Variants in LRP1B observed in about 807,000 individuals in gnomAD.
LRP1B encodes low-density lipoprotein receptor-related protein 1B.
Under a neutral mutation model 556.6 loss-of-function variants are expected in LRP1B, and 217 were observed. The ratio of observed to expected loss-of-function variants is 0.39; its 90% CI spans 0.35 to 0.44. The LOEUF is 0.44. Ranked by LOEUF, LRP1B falls within the 20% of genes least tolerant of loss-of-function variation. The probability of loss-of-function intolerance (pLI) is 1.00; values close to 1 mark genes in which losing one functional copy is unlikely to be tolerated. For missense variants in LRP1B, 5,053 were observed against 5,620.8 expected, an observed-to-expected ratio of 0.90 and a Z score of 3.23; for synonymous variants, 2,047 against 1,865.8, an observed-to-expected ratio of 1.10 and a Z score of -2.50.
At chr2:140,823,623 A>G (rs1481751806) in intron 31 of LRP1B, among the ~76,000 whole-genome samples, 1 of 152,044 alleles carries the variant, frequency 6.6e-6, no homozygotes, top group African/African-American at 2.4e-5. Context: ...AATGACATGG[A>G]CTACTTAGAG....
chr2:141,589,584 A>AC (rs1160660952), intron 2 of LRP1B, among the ~76,000 whole-genome samples: 11 of 152,180 alleles, frequency 7.2e-5, no homozygotes, highest in Non-Finnish European at 1.5e-4. Context: ...CAAATAACAC[A>AC]CTTGTTAAAA....
intron 1 of LRP1B, among the ~76,000 whole-genome samples, chr2:142,025,898 GATGA>G (rs1206642258): frequency 6.6e-6 from 1 of 152,042 alleles, no homozygotes; most frequent in East Asian, 1.9e-4. Flanking sequence ...TGATAACAAG[GATGA>G]ATAGATTTGA....
At chr2:141,870,260 T>A (rs545445148) in intron 1 of LRP1B, among the ~76,000 whole-genome samples, 1 of 152,094 alleles carries the variant, frequency 6.6e-6, no homozygotes, top group East Asian at 1.9e-4. Flanking sequence ...TCCTCTCTAC[T>A]ATGAATGCCA....
chr2:140,327,514 A>G (rs969363096), intron 79 of LRP1B, among the ~76,000 whole-genome samples: 13 of 152,068 alleles, frequency 8.5e-5, no homozygotes, highest in African/African-American at 3.1e-4. Context: ...TATGAGTAAT[A>G]TGAACCACAA....
At chr2:140,828,335 C>T (rs1243847836) in intron 31 of LRP1B, among the ~76,000 whole-genome samples, 2 of 151,856 alleles carry the variant, frequency 1.3e-5, no homozygotes, top group African/African-American at 2.4e-5. Flanking sequence ...AAGGGCCGGG[C>T]GCGGTGGCTC....
At chr2:141,933,282 C>G (rs1250142771) in intron 1 of LRP1B, among the ~76,000 whole-genome samples, 1 of 151,808 alleles carries the variant, frequency 6.6e-6, no homozygotes, top group African/African-American at 2.4e-5. Context: ...AAAAATCACC[C>G]TACTGAAAAT....
intron 66 of LRP1B, among the ~76,000 whole-genome samples, chr2:140,394,921 G>C (rs913328896): frequency 6.6e-6 from 1 of 152,060 alleles, no homozygotes; most frequent in African/African-American, 2.4e-5. Context: ...GACACCAACA[G>C]AGTAAAGACA....
chr2:141,386,635 C>T (rs1007412175), intron 3 of LRP1B, among the ~76,000 whole-genome samples: 9 of 151,666 alleles, frequency 5.9e-5, no homozygotes, highest in South Asian at 2.1e-4. Context: ...AAGAAAAATA[C>T]GATATATTTA....
chr2:140,341,434 G>GA (rs1415115397), intron 77 of LRP1B, among the ~76,000 whole-genome samples: 1 of 151,392 alleles, frequency 6.6e-6, no homozygotes, highest in African/African-American at 2.4e-5. Context: ...AATGACAACA[G>GA]AGCCTTTGGA....
At chr2:140,992,468 G>T (rs1697121821) in intron 16 of LRP1B, 1 of 152,080 alleles carries the variant, frequency 6.6e-6, no homozygotes, top group South Asian at 2.1e-4. Flanking sequence ...TGCAGTATTT[G>T]CACTCTGCTC....
At chr2:141,286,066 CA>C (rs200182512) in intron 3 of LRP1B, among the ~76,000 whole-genome samples, 22,787 of 94,122 alleles carry the variant, frequency 0.24, 1,255 homozygotes, top group East Asian at 0.42. Flanking sequence ...GACTCCGTCT[CA>C]AAAAAAAAAA....
At chr2:140,733,658 G>A (rs1016468546) in intron 35 of LRP1B, among the ~76,000 whole-genome samples, 1 of 152,078 alleles carries the variant, frequency 6.6e-6, no homozygotes, top group Non-Finnish European at 1.5e-5. Context: ...TGTAGAATAG[G>A]TAAAACTAAT....
intron 66 of LRP1B, among the ~76,000 whole-genome samples, chr2:140,408,625 T>G (rs1684847260): frequency 6.6e-6 from 1 of 151,866 alleles, no homozygotes; most frequent in Non-Finnish European, 1.5e-5. Context: ...TTTAGAAGAG[T>G]GACCTCTTGA....
At chr2:140,249,692 C>T (rs920759575) in intron 86 of LRP1B, among the ~76,000 whole-genome samples, 2 of 151,756 alleles carry the variant, frequency 1.3e-5, no homozygotes, top group Non-Finnish European at 2.9e-5. Flanking sequence ...TTGTCTTGGT[C>T]TTAAAACATC....
At chr2:140,393,889 T>C (rs1190666213) in intron 66 of LRP1B, among the ~76,000 whole-genome samples, 1 of 152,198 alleles carries the variant, frequency 6.6e-6, no homozygotes, top group Non-Finnish European at 1.5e-5. Context: ...TGACCTTTTA[T>C]AGAGAAGTCA....
intron 41 of LRP1B, among the ~76,000 whole-genome samples, chr2:140,678,353 A>T (rs1457169844): frequency 2.6e-5 from 4 of 152,188 alleles, no homozygotes; most frequent in African/African-American, 9.7e-5. Context: ...AATAAAATGT[A>T]AGAGTAATTT....
At chr2:141,702,015 A>C (rs574659712) in intron 2 of LRP1B, among the ~76,000 whole-genome samples, 52 of 152,076 alleles carry the variant, frequency 3.4e-4, no homozygotes, top group African/African-American at 1.2e-3. Flanking sequence ...AATGCCAAAC[A>C]ACCACAGAGT....
intron 20 of LRP1B, among the ~76,000 whole-genome samples, chr2:140,933,663 G>T (rs1399236664): frequency 2.0e-5 from 3 of 152,124 alleles, no homozygotes; most frequent in Admixed American, 6.6e-5. Flanking sequence ...CATAATAATT[G>T]TCTTACTAAA....
chr2:140,805,278 T>C (rs528095620), intron 32 of LRP1B, among the ~76,000 whole-genome samples: 276 of 152,330 alleles, frequency 1.8e-3, no homozygotes, highest in Non-Finnish European at 3.0e-3. Context: ...AAAATTGTGA[T>C]AAATAGAAAA....
Sources: allele counts gnomAD v4.1 joint callset (sites outside exome capture counted in the v4.1 genomes callset), GRCh38; gene constraint gnomAD v4.1.1; transcripts MANE v1.5; gene names NCBI Gene and HGNC (gene_info 2026-07-23, HGNC 2026-07-21).